The following ACTA2 variants were observed in gnomAD, a reference collection of about 807,000 sequenced individuals.
The protein encoded by ACTA2 is actin alpha 2, smooth muscle, also known as actin, aortic smooth muscle.
Under a neutral mutation model 39.5 loss-of-function variants are expected in ACTA2, and 12 were observed. The ratio of observed to expected loss-of-function variants is 0.30; its 90% CI spans 0.19 to 0.49. The LOEUF (loss-of-function observed/expected upper bound fraction) is 0.49, where lower values mean the gene tolerates loss of function less well. Among genes scored for constraint, ACTA2 ranks in the 20% least tolerant of loss-of-function variants. The pLI is 0.99. For synonymous variants in ACTA2, 158 were observed against 180.6 expected, an observed-to-expected ratio of 0.88 and a Z score of 1.00; for missense variants, 236 against 498.8, an observed-to-expected ratio of 0.47 and a Z score of 5.02.
At chr10:88,980,643 T>C (rs1004380900) in intron 1 of ACTA2, among the ~76,000 whole-genome samples, 1 of 152,058 alleles carries the variant, frequency 6.6e-6, no homozygotes, top group African/African-American at 2.4e-5. Flanking sequence ...TTAAGGAAAA[T>C]TGTTGGGATC....
intron 1 of ACTA2, among the ~76,000 whole-genome samples, chr10:88,982,345 T>C (rs999427569): frequency 1.3e-5 from 2 of 152,252 alleles, no homozygotes; most frequent in African/African-American, 4.8e-5. Flanking sequence ...AAAAGTTGCA[T>C]GTGTATGAAG....
intron 1 of ACTA2, 79 bp from the exon 2 acceptor site, chr10:88,949,032 G>C: frequency 1.3e-6 from 2 of 1,510,258 alleles, no homozygotes; most frequent in Non-Finnish European, 1.8e-6. Context: ...CACCTCCAAG[G>C]CTGGGTTTGG....
At chr10:88,964,231 A>C (rs1312608146) in intron 1 of ACTA2, among the ~76,000 whole-genome samples, 2 of 152,168 alleles carry the variant, frequency 1.3e-5, no homozygotes, top group African/African-American at 4.8e-5. Context: ...CCTGCAAAAA[A>C]AGGCAGATGA....
chr10:88,968,175 C>G (rs866656587), intron 1 of ACTA2, among the ~76,000 whole-genome samples: 1 of 152,054 alleles, frequency 6.6e-6, no homozygotes, highest in Admixed American at 6.6e-5. Flanking sequence ...GTATTTAAAT[C>G]GCTAAAAACT....
chr10:88,965,271 G>A (rs1230186683), intron 1 of ACTA2, among the ~76,000 whole-genome samples: 1 of 149,886 alleles, frequency 6.7e-6, no homozygotes, highest in East Asian at 1.9e-4. Flanking sequence ...TTCCCTTAGG[G>A]CACCCTGCCC....
In ACTA2 at chr10:88,990,640, C is replaced by A; in HGVS notation, c.-24+299G>T. 1.4e-6 allele frequency: 1 copy of A among 694,788 alleles called. No homozygotes were observed. The highest frequency in any genetic ancestry group is 1.5e-5 in the South Asian group (1 of 66,618). 43.0% of individuals were successfully genotyped at this position (694,788 alleles called of 1,614,324 possible). Reference sequence around the variant, plus strand: ...CCTGACCACCGGGGCTTTTCGTGAGCTCGTCTCTGATCTCGCGCAAGAGTG... The same window carrying A: ...CCTGACCACCGGGGCTTTTCGTGAGATCGTCTCTGATCTCGCGCAAGAGTG... On this transcript the variant is annotated intron_variant, in intron 1 of 4. Transcript: ENST00000415557. This position sits in a 1 kb window ranked among gnomAD's most constrained non-coding sequence, Gnocchi z 4.9.
At chr10:88,989,715 C>T (rs1847053412) in intron 1 of ACTA2, 1 of 385,920 alleles carries the variant, frequency 2.6e-6, no homozygotes, top group African/African-American at 2.1e-5. Context: ...GAACAGTGGG[C>T]TAAGCAAAGG....
chr10:88,935,662 A>G (rs927527430), intron 8 of ACTA2: 2 of 368,596 alleles, frequency 5.4e-6, no homozygotes, highest in African/African-American at 2.1e-5. Context: ...CATGGCCCCC[A>G]CTTAAGAACC....
chr10:88,947,105 C>A, intron 3 of ACTA2, 153 bp downstream of exon 3: 1 of 1,105,916 alleles, frequency 9.0e-7, no homozygotes, highest in Middle Eastern at 3.1e-4. Flanking sequence ...ATTTTTTTTT[C>A]AATGGGTAAT....
At chr10:88,937,740 T>C (rs1261440716) in intron 8 of ACTA2, among the ~76,000 whole-genome samples, 2 of 150,494 alleles carry the variant, frequency 1.3e-5, no homozygotes, top group African/African-American at 2.5e-5. Context: ...TGATGCACTA[T>C]TTTTGTGTCG....
At chr10:88,950,682 A>G (rs541418512) in intron 1 of ACTA2, among the ~76,000 whole-genome samples, 1 of 152,364 alleles carries the variant, frequency 6.6e-6, no homozygotes, top group South Asian at 2.1e-4. Flanking sequence ...TTATGAGCTT[A>G]GACTCTGAAG....
At chr10:88,959,668 T>A (rs1203575770) in intron 1 of ACTA2, among the ~76,000 whole-genome samples, 1 of 152,252 alleles carries the variant, frequency 6.6e-6, no homozygotes, top group Non-Finnish European at 1.5e-5. Context: ...ATTAATGAAC[T>A]GATATTTATA....
chr10:88,953,789 A>G (rs899354014), upstream of ACTA2, among the ~76,000 whole-genome samples: 103 of 152,278 alleles, frequency 6.8e-4, no homozygotes, highest in African/African-American at 2.1e-3. Flanking sequence ...TGATGGTTTT[A>G]TAAGGCAGTT....
chr10:88,969,664 C>T (rs184241125), intron 1 of ACTA2, among the ~76,000 whole-genome samples: 8 of 152,306 alleles, frequency 5.3e-5, no homozygotes, highest in African/African-American at 1.7e-4. Context: ...CTCCTCTGAC[C>T]ACCATATCAT....
intron 1 of ACTA2, among the ~76,000 whole-genome samples, chr10:88,958,617 TC>T (rs1846176519): frequency 6.6e-6 from 1 of 152,076 alleles, no homozygotes; most frequent in Non-Finnish European, 1.5e-5. Flanking sequence ...TGAGGTTAAA[TC>T]ATCAAGCAAA....
At chr10:88,937,073 G>T (rs563801222) in intron 8 of ACTA2, among the ~76,000 whole-genome samples, 4 of 152,270 alleles carry the variant, frequency 2.6e-5, no homozygotes, top group African/African-American at 9.6e-5. Flanking sequence ...AAGTAAGGGG[G>T]GTAAGAGCTG....
intron 1 of ACTA2, among the ~76,000 whole-genome samples, chr10:88,967,679 A>G (rs1846343832): frequency 6.6e-6 from 1 of 152,168 alleles, no homozygotes; most frequent in Non-Finnish European, 1.5e-5. Flanking sequence ...AAAATAGAAT[A>G]TTTTGTTTCA....
chr10:88,955,571 C>T (rs1846124694), upstream of ACTA2, among the ~76,000 whole-genome samples: 1 of 152,206 alleles, frequency 6.6e-6, no homozygotes, highest in South Asian at 2.1e-4. Flanking sequence ...CCAGGCTCTG[C>T]TCTGTTCCTC....
At chr10:88,948,096 T>C (rs1292948301) in intron 2 of ACTA2, 5 of 156,544 alleles carry the variant, frequency 3.2e-5, no homozygotes, top group Admixed American at 3.1e-4. Context: ...AATAGCGGCT[T>C]GTGCAGAATA....
Sources: allele counts gnomAD v4.1 joint callset (sites outside exome capture counted in the v4.1 genomes callset), GRCh38; gene constraint gnomAD v4.1.1; non-coding constraint Gnocchi (gnomAD v3.1); transcripts MANE v1.5; gene names NCBI Gene and HGNC (gene_info 2026-07-23, HGNC 2026-07-21).